The following SAMD5 variants were observed in gnomAD, a reference collection of about 807,000 sequenced individuals.
SAMD5 encodes the protein sterile alpha motif domain containing 5.
In SAMD5, 13 loss-of-function variants were observed where a neutral mutation model predicts 11.3. That is an observed-to-expected ratio of 1.15 (90% CI 0.75 to 1.83). SAMD5 has a LOEUF of 1.83. Ranked by LOEUF, SAMD5 falls within the 40% of genes most tolerant of loss-of-function variation. The pLI is 0.00. For missense variants in SAMD5, 255 were observed against 239.1 expected (o/e 1.07, Z -0.44); for synonymous variants, 129 against 111.3 (o/e 1.16, Z -1.00).
intron 1 of SAMD5, among the ~76,000 whole-genome samples, chr6:147,625,515 T>A (rs1790037831): frequency 6.6e-6 from 1 of 152,212 alleles, no homozygotes; most frequent in African/African-American, 2.4e-5. Flanking sequence ...AACTTGGAGT[T>A]GCAATTCTTT....
chr6:147,899,339 AC>A, the SAMD5 span, among the ~76,000 whole-genome samples: 1 of 152,076 alleles, frequency 6.6e-6, no homozygotes, highest in Admixed American at 6.5e-5. Context: ...GGGGCTAAGG[AC>A]CAGCTGGAGA....
At chr6:147,557,372 A>G (rs183305939) in intron 1 of SAMD5, among the ~76,000 whole-genome samples, 14 of 152,358 alleles carry the variant, frequency 9.2e-5, no homozygotes, top group African/African-American at 1.4e-4. Context: ...TGTTAAAACA[A>G]CAGAAGTTTG....
intron 1 of SAMD5, among the ~76,000 whole-genome samples, chr6:147,542,703 G>A (rs565928406): frequency 5.9e-5 from 9 of 152,146 alleles, no homozygotes; most frequent in African/African-American, 7.2e-5. Context: ...AATATCTCAA[G>A]CACTGATCTT....
chr6:147,752,372 A>C, the SAMD5 span, among the ~76,000 whole-genome samples: 1 of 152,230 alleles, frequency 6.6e-6, no homozygotes, highest in Non-Finnish European at 1.5e-5. Flanking sequence ...TTTAAAACCT[A>C]ATAATAGGAA....
chr6:147,845,779 A>G, the SAMD5 span, among the ~76,000 whole-genome samples: 1 of 152,350 alleles, frequency 6.6e-6, no homozygotes, highest in South Asian at 2.1e-4. Flanking sequence ...CATTGTTGAT[A>G]GGAAGAAAAT....
At chr6:147,574,140 C>A (rs1440634684), downstream of SAMD5, among the ~76,000 whole-genome samples, 16 of 145,302 alleles carry the variant, frequency 1.1e-4, no homozygotes, top group South Asian at 2.2e-4. Flanking sequence ...AAAAAAAAAA[C>A]AAAAAACTTA....
At chr6:147,652,016 A>G (rs1423162778) in intron 1 of SAMD5, among the ~76,000 whole-genome samples, 1 of 152,204 alleles carries the variant, frequency 6.6e-6, no homozygotes, top group Non-Finnish European at 1.5e-5. Flanking sequence ...TTGCCATTTA[A>G]AAGTCATTTG....
intron 1 of SAMD5, among the ~76,000 whole-genome samples, chr6:147,655,979 C>T (rs1790560861): frequency 1.3e-5 from 2 of 152,142 alleles, no homozygotes; most frequent in African/African-American, 4.8e-5. Context: ...CAACTGCCTA[C>T]ATAAAATAGA....
rs558271038 is a variant in SAMD5, at chr6:147,576,329, C to T, written c.162+66942C>T. ...CTAATTTTTGTATTTTTAGTAGAGACGGGGTTTAGCCATTTCGGCTAGGCT... is the reference window on the plus strand; with the variant it reads ...CTAATTTTTGTATTTTTAGTAGAGATGGGGTTTAGCCATTTCGGCTAGGCT... On this transcript the variant is annotated intron_variant, in intron 1 of 1. Transcript: ENST00000566741. 4.6e-5 allele frequency among the ~76,000 whole-genome samples: 7 copies of T among 152,034 alleles called. No homozygotes were observed. In the South Asian group the frequency reaches 8.3e-4, roughly 18 times the overall value.
At chr6:147,618,488 G>A (rs1187940714) in intron 1 of SAMD5, among the ~76,000 whole-genome samples, 2 of 152,198 alleles carry the variant, frequency 1.3e-5, no homozygotes, top group African/African-American at 4.8e-5. Flanking sequence ...GGTCCTACAA[G>A]AGTACTTTGC....
intron 1 of SAMD5, among the ~76,000 whole-genome samples, chr6:147,533,028 C>T (rs1248248397): frequency 6.6e-6 from 1 of 151,968 alleles, no homozygotes; most frequent in Non-Finnish European, 1.5e-5. Flanking sequence ...CCTGTGTTGT[C>T]CTCCCTGTAC....
chr6:147,747,755 A>G, the SAMD5 span, among the ~76,000 whole-genome samples: 2 of 152,108 alleles, frequency 1.3e-5, no homozygotes, highest in African/African-American at 2.4e-5. Context: ...ATCTTTATTT[A>G]TCAGCCATTT....
the SAMD5 span, among the ~76,000 whole-genome samples, chr6:147,936,510 T>A: frequency 6.6e-6 from 1 of 151,942 alleles, no homozygotes; most frequent in Non-Finnish European, 1.5e-5. Flanking sequence ...CTCACTATCA[T>A]GAGGACAGCA....
chr6:147,756,092 A>T, the SAMD5 span, among the ~76,000 whole-genome samples: 1 of 152,136 alleles, frequency 6.6e-6, no homozygotes, highest in Admixed American at 6.6e-5. Context: ...GGCATGTCTG[A>T]TGAGTGAGAT....
chr6:147,827,128 A>C, the SAMD5 span, among the ~76,000 whole-genome samples: 1 of 152,220 alleles, frequency 6.6e-6, no homozygotes, highest in Non-Finnish European at 1.5e-5. Flanking sequence ...ATGCTTTCAG[A>C]ATACATTTAT....
At position 147,567,542 on chromosome 6, in the gene SAMD5, A is replaced by G; in HGVS notation, c.*3086A>G. 5.5e-6 allele frequency: 5 copies of G among 907,634 alleles called. No homozygotes were observed. The highest frequency in any genetic ancestry group is 6.6e-6 in the Non-Finnish European group (5 of 759,102). The allele number at this position is 907,634 out of a possible 1,614,324, so 56.2% of individuals were successfully genotyped here. On this transcript the variant is annotated 3_prime_UTR_variant, in exon 2 of 2. Transcript: ENST00000367474. ...TTCCCTTGTCTGTAAAATGGGAAAA[A>G]TAAATACCTCTATAGCTCTTAAGAG...
the SAMD5 span, among the ~76,000 whole-genome samples, chr6:147,892,103 T>C: frequency 6.6e-6 from 1 of 152,234 alleles, no homozygotes; most frequent in East Asian, 1.9e-4. Flanking sequence ...TACTAGTTCC[T>C]GAAACCGTCC....
chr6:147,605,987 C>G (rs373011621), intron 1 of SAMD5, among the ~76,000 whole-genome samples: 1 of 151,882 alleles, frequency 6.6e-6, no homozygotes, highest in African/African-American at 2.4e-5. Context: ...ATTTGATGAA[C>G]GCATGAATAA....
At chr6:147,584,888 T>A (rs939923039) in intron 1 of SAMD5, among the ~76,000 whole-genome samples, 3 of 152,142 alleles carry the variant, frequency 2.0e-5, no homozygotes, top group Non-Finnish European at 4.4e-5. Context: ...AGAAGGCACA[T>A]GAGAGAAAAA....
Sources: gnomAD v4.1 joint callset for allele counts (sites outside exome capture counted in the v4.1 genomes callset) on GRCh38, gnomAD v4.1.1 for gene constraint, MANE v1.5 for transcripts, NCBI Gene and HGNC (gene_info 2026-07-23, HGNC 2026-07-21) for gene names.